KAZN: variants seen among roughly 807,000 people sequenced by gnomAD.
KAZN encodes kazrin, periplakin interacting protein.
KAZN carries 40 observed loss-of-function variants against 87.4 expected under a neutral mutation model. The observed-to-expected ratio is 0.46, with a 90% CI of 0.36 to 0.60. The LOEUF (loss-of-function observed/expected upper bound fraction) is 0.60. Among genes scored for constraint, KAZN ranks in the 20% least tolerant of loss-of-function variants. The pLI, the probability that KAZN is intolerant of heterozygous loss-of-function variation, is 0.00. For missense variants in KAZN, 898 were observed against 1,073.9 expected (o/e 0.84, Z 2.29); for synonymous variants, 466 against 458.3 (o/e 1.02, Z -0.22).
intron 2 of KAZN, among the ~76,000 whole-genome samples, chr1:14,305,797 G>A (rs1018411161): frequency 2.6e-5 from 4 of 152,080 alleles, no homozygotes; most frequent in African/African-American, 9.7e-5. Context: ...TATGGTAAGA[G>A]GCAAGGCATT....
chr1:14,365,290 G>C (rs1019354782), intron 2 of KAZN, among the ~76,000 whole-genome samples: 1 of 150,386 alleles, frequency 6.6e-6, no homozygotes, highest in Non-Finnish European at 1.5e-5. Flanking sequence ...CTCATGATCC[G>C]CCCGCCTCGG....
In KAZN at chr1:14,990,403, G is replaced by A. The variant is rs566304877; in HGVS notation, c.418+29528G>A. On this transcript the variant is annotated intron_variant, in intron 2 of 14. Coordinates refer to ENST00000376030, the MANE Select transcript of KAZN (RefSeq NM_201628.3). ...ATGCCCAGCTAATTTTTTGTATTTT[G>A]TATGGAGATGGGGTTTTTCCATGTT... 3.3e-5 allele frequency among the ~76,000 whole-genome samples: 5 copies of A among 152,120 alleles called. No homozygotes were observed. In the South Asian group the frequency reaches 1.0e-3, roughly 32 times the overall value.
chr1:14,186,739 C>T (rs1019849030), intron 2 of KAZN, among the ~76,000 whole-genome samples: 13 of 152,190 alleles, frequency 8.5e-5, no homozygotes, highest in East Asian at 5.8e-4. Flanking sequence ...TGGCAGACAC[C>T]GCTGCAGATG....
intron 1 of KAZN, among the ~76,000 whole-genome samples, chr1:14,959,085 G>A (rs1214562622): frequency 6.6e-6 from 1 of 152,240 alleles, no homozygotes. Context: ...CGGAGAAAGA[G>A]CAAAGAGGAA....
chr1:14,444,395 C>T (rs934242963), intron 2 of KAZN, among the ~76,000 whole-genome samples: 2 of 149,976 alleles, frequency 1.3e-5, no homozygotes, highest in African/African-American at 4.9e-5. Flanking sequence ...TCACCGCAAC[C>T]TCCACCTCCC....
At chr1:14,645,770 C>T (rs1237278789) in intron 1 of KAZN, among the ~76,000 whole-genome samples, 2 of 152,204 alleles carry the variant, frequency 1.3e-5, no homozygotes, top group Non-Finnish European at 2.9e-5. Context: ...TTGGCTAGGA[C>T]TTCCAATACT....
intron 1 of KAZN, among the ~76,000 whole-genome samples, chr1:14,812,505 C>T (rs191145662): frequency 3.8e-4 from 58 of 152,196 alleles, no homozygotes; most frequent in Non-Finnish European, 6.5e-4. Flanking sequence ...ATTTTTCAAG[C>T]CTGGTGGGAA....
intron 1 of KAZN, among the ~76,000 whole-genome samples, chr1:14,937,886 C>A (rs143302910): frequency 3.3e-5 from 5 of 152,378 alleles, no homozygotes; most frequent in African/African-American, 1.2e-4. Context: ...CAGGCCGATG[C>A]TACCTTCTCA....
chr1:14,431,458 C>T (rs185603687), intron 2 of KAZN, among the ~76,000 whole-genome samples: 101 of 152,288 alleles, frequency 6.6e-4, no homozygotes, highest in African/African-American at 1.8e-3. Flanking sequence ...CCTGTGATGG[C>T]TAATGTTAGA....
chr1:14,579,551 G>C lies in KAZN; in HGVS notation c.250-19432G>C, dbSNP rs187139218. Among the ~76,000 whole-genome samples the C allele has an allele frequency of 4.6e-3, 697 of 152,068 alleles. 3 individuals carry two copies. Among genetic ancestry groups the C allele is most frequent in the African/African-American group, 0.016 (671 of 41,464 alleles). On this transcript the variant is annotated intron_variant, in intron 2 of 16. Coordinates refer to the KAZN transcript ENST00000636203. The stretch of plus-strand genomic sequence containing the variant: ...GAGGCAGGAGAATGGCGTGAACCTG[G>C]GAGGTGGAGCTTGCGGTGAGCCGAG...
chr1:13,982,477 G>T (rs897388778), intron 1 of KAZN, among the ~76,000 whole-genome samples: 1 of 152,236 alleles, frequency 6.6e-6, no homozygotes, highest in Non-Finnish European at 1.5e-5. Context: ...GACCCAAAGA[G>T]TGAGCAGTAG....
intron 1 of KAZN, among the ~76,000 whole-genome samples, chr1:13,975,568 C>T (rs994492800): frequency 1.3e-5 from 2 of 152,206 alleles, no homozygotes; most frequent in African/African-American, 4.8e-5. Context: ...CCCAAACATG[C>T]TCTTGAGTCC....
chr1:15,107,158 C>G (rs1641323894), intron 13 of KAZN, among the ~76,000 whole-genome samples: 1 of 152,120 alleles, frequency 6.6e-6, no homozygotes, highest in African/African-American at 2.4e-5. Flanking sequence ...GCCCCTTTTG[C>G]CATAAAAGCC....
At chr1:14,971,521 ACTT>A (rs973913803) in intron 2 of KAZN, among the ~76,000 whole-genome samples, 1 of 152,142 alleles carries the variant, frequency 6.6e-6, no homozygotes, top group African/African-American at 2.4e-5. Context: ...TTTGGCAGGT[ACTT>A]CTTTGATTCT....
At chr1:14,806,139 C>A (rs1407655300) in intron 1 of KAZN, among the ~76,000 whole-genome samples, 1 of 152,162 alleles carries the variant, frequency 6.6e-6, no homozygotes, top group Admixed American at 6.5e-5. Flanking sequence ...GAGGAACTCC[C>A]CAGGGTTCCT....
At chr1:13,941,752 TACCACCATC>T (rs926755725) in intron 1 of KAZN, among the ~76,000 whole-genome samples, 3 of 152,130 alleles carry the variant, frequency 2.0e-5, no homozygotes, top group African/African-American at 7.2e-5. Flanking sequence ...AAACCAAACC[TACCACCATC>T]ACCACCACCA....
intron 1 of KAZN, among the ~76,000 whole-genome samples, chr1:14,956,619 A>G (rs1663144280): frequency 6.6e-6 from 1 of 152,036 alleles, no homozygotes; most frequent in South Asian, 2.1e-4. Context: ...AAAAAAAAAA[A>G]AATTAAACAA....
intron 1 of KAZN, among the ~76,000 whole-genome samples, chr1:14,607,666 C>T (rs965126309): frequency 2.0e-5 from 3 of 152,174 alleles, no homozygotes; most frequent in African/African-American, 7.2e-5. Flanking sequence ...CATGTTCAAA[C>T]GTGAGAATCT....
At chr1:14,231,768 A>C (rs796632238) in intron 2 of KAZN, among the ~76,000 whole-genome samples, 59 of 152,328 alleles carry the variant, frequency 3.9e-4, no homozygotes, top group African/African-American at 1.3e-3. Context: ...AGCTACTATA[A>C]TAGATAATTC....
Sources: gnomAD v4.1 joint callset for allele counts (sites outside exome capture counted in the v4.1 genomes callset) on GRCh38, gnomAD v4.1.1 for gene constraint, MANE v1.5 for transcripts, NCBI Gene and HGNC (gene_info 2026-07-23, HGNC 2026-07-21) for gene names.